Variants in ARID4B observed in about 807,000 individuals in gnomAD.
ARID4B encodes the protein AT-rich interactive domain-containing protein 4B.
In ARID4B, 26 loss-of-function variants were observed where a neutral mutation model predicts 147.5. The ratio of observed to expected loss-of-function variants is 0.18; its 90% CI spans 0.13 to 0.24. The LOEUF is 0.24. Among genes scored for constraint, ARID4B ranks in the 10% least tolerant of loss-of-function variants. The probability of loss-of-function intolerance (pLI) is 1.00; values close to 1 mark genes in which losing one functional copy is unlikely to be tolerated. For missense variants in ARID4B, 1,179 were observed against 1,511.5 expected (o/e 0.78, Z 3.65); for synonymous variants, 512 against 507.9 (o/e 1.01, Z -0.11).
intron 2 of ARID4B, among the ~76,000 whole-genome samples, chr1:235,301,921 G>A (rs928223902): frequency 2.0e-5 from 3 of 151,450 alleles, no homozygotes; most frequent in Non-Finnish European, 4.4e-5. Flanking sequence ...CAAAACTCCT[G>A]ACCTCAGGTG....
chr1:235,206,694 A>G (rs1666327627), intron 17 of ARID4B, among the ~76,000 whole-genome samples: 1 of 152,170 alleles, frequency 6.6e-6, no homozygotes, highest in Non-Finnish European at 1.5e-5. Context: ...AGCCACTGAT[A>G]AGGTACGTAA....
chr1:235,236,850 A>ATATATATATATATGTATGTGTG (rs1668622420), intron 8 of ARID4B, among the ~76,000 whole-genome samples: 1 of 37,526 alleles, frequency 2.7e-5, no homozygotes. Flanking sequence ...ATATATATAT[A>ATATATATATATATGTATGTGTG]TATATATATA....
chr1:235,249,715 G>C (rs1377184101), intron 6 of ARID4B, among the ~76,000 whole-genome samples: 5 of 151,746 alleles, frequency 3.3e-5, no homozygotes, highest in Admixed American at 1.3e-4. Flanking sequence ...GCTGAGGCGG[G>C]CGTATCACGA....
chr1:235,209,548 AT>A (rs529393984), intron 17 of ARID4B, among the ~76,000 whole-genome samples: 19,871 of 150,068 alleles, frequency 0.13, 1,533 homozygotes, highest in African/African-American at 0.2. Flanking sequence ...AAGAAAATTG[AT>A]TTTTTTGTTT....
chr1:235,211,510 A>T (rs1666719638), intron 17 of ARID4B, among the ~76,000 whole-genome samples: 1 of 152,224 alleles, frequency 6.6e-6, no homozygotes. Context: ...AAAACTAAAA[A>T]GAGAGGCAAA....
chr1:235,307,448 A>C (rs1673655509), intron 2 of ARID4B, among the ~76,000 whole-genome samples: 1 of 152,214 alleles, frequency 6.6e-6, no homozygotes, highest in Non-Finnish European at 1.5e-5. Context: ...CTGTCTCTTT[A>C]CAAAAAAAGA....
chr1:235,305,135 T>C (rs570910576), intron 2 of ARID4B, among the ~76,000 whole-genome samples: 4 of 152,288 alleles, frequency 2.6e-5, no homozygotes, highest in African/African-American at 7.2e-5. Flanking sequence ...AGGATACTTA[T>C]AAGTGAAAGA....
chr1:235,260,786 C>A (rs747117272), intron 2 of ARID4B, 34 bp from the exon 3 acceptor site: 1 of 1,414,028 alleles, frequency 7.1e-7, no homozygotes, highest in African/African-American at 1.4e-5. Flanking sequence ...TAGATTTAAA[C>A]TCTCTAATTC....
intron 9 of ARID4B, among the ~76,000 whole-genome samples, chr1:235,233,095 C>T (rs1370863088): frequency 1.3e-5 from 2 of 152,148 alleles, no homozygotes; most frequent in East Asian, 3.9e-4. Flanking sequence ...CCTAGGCCTC[C>T]CAAAGTGCTG....
At chr1:235,323,188 C>G (rs556857425) in intron 2 of ARID4B, among the ~76,000 whole-genome samples, 3 of 151,996 alleles carry the variant, frequency 2.0e-5, no homozygotes, top group Non-Finnish European at 4.4e-5. Context: ...CAGGCATGCG[C>G]CACCATGCCC....
At chr1:235,259,762 G>A (rs189882567) in intron 3 of ARID4B, among the ~76,000 whole-genome samples, 42 of 152,296 alleles carry the variant, frequency 2.8e-4, no homozygotes, top group Admixed American at 2.0e-3. Flanking sequence ...ACACATCCAT[G>A]CATAAGGAAT....
At chr1:235,239,068 C>T (rs555840316) in intron 8 of ARID4B, among the ~76,000 whole-genome samples, 97 of 151,784 alleles carry the variant, frequency 6.4e-4, no homozygotes, top group African/African-American at 2.2e-3. Context: ...CTGCAACCTC[C>T]GCCTCCTGGG....
rs955008613 is a variant in ARID4B, at chr1:235,257,145, G to T, written c.183+15C>A. The T allele has an allele frequency of 1.3e-6, 2 of 1,573,770 alleles. No homozygotes were observed. Among genetic ancestry groups the T allele is most frequent in the East Asian group, 4.5e-5 (2 of 44,636 alleles). On this transcript the variant is annotated intron_variant, in intron 4 of 23. Coordinates refer to ENST00000264183, the MANE Select transcript of ARID4B (RefSeq NM_016374.6). The stretch of plus-strand genomic sequence containing the variant: ...CCAAACAACCATTAGAATTAACAAT[G>T]AATACATGAATTACCTTTAGTGGGC...
At chr1:235,309,989 T>C (rs1446942271) in intron 2 of ARID4B, among the ~76,000 whole-genome samples, 2 of 151,900 alleles carry the variant, frequency 1.3e-5, no homozygotes, top group Non-Finnish European at 2.9e-5. Context: ...GCATGCTCCT[T>C]AAGAGTCATC....
chr1:235,169,236 T>G (rs1244632448), intron 23 of ARID4B, among the ~76,000 whole-genome samples: 2 of 152,056 alleles, frequency 1.3e-5, no homozygotes, highest in Admixed American at 6.6e-5. Context: ...TTTCGTTTTT[T>G]TTTGTTTGTT....
chr1:235,200,707 G>C (rs1186466939), intron 17 of ARID4B, among the ~76,000 whole-genome samples: 1 of 151,998 alleles, frequency 6.6e-6, no homozygotes, highest in African/African-American at 2.4e-5. Flanking sequence ...TATAAATTTA[G>C]ACTTTTAAAA....
intron 13 of ARID4B, among the ~76,000 whole-genome samples, chr1:235,221,886 ATTTTTTTTTTTTTTTTTTTT>A (rs768600040): frequency 9.3e-5 from 5 of 53,660 alleles, no homozygotes; most frequent in Non-Finnish European, 6.4e-5. Flanking sequence ...TCATTTGACT[ATTTTTTTTTTTTTTTTTTTT>A]TTTTTTTTTT....
chr1:235,258,477 G>C (rs1402792868), intron 3 of ARID4B, among the ~76,000 whole-genome samples: 1 of 152,170 alleles, frequency 6.6e-6, no homozygotes, highest in Non-Finnish European at 1.5e-5. Context: ...AGAAATCAGA[G>C]AATGGGAAAC....
intron 17 of ARID4B, among the ~76,000 whole-genome samples, chr1:235,203,358 C>A (rs1376950242): frequency 6.6e-6 from 1 of 152,052 alleles, no homozygotes; most frequent in Non-Finnish European, 1.5e-5. Context: ...TCTTCTTAAA[C>A]CCAATTTTAA....
Sources: gnomAD v4.1 joint callset for allele counts (sites outside exome capture counted in the v4.1 genomes callset) on GRCh38, gnomAD v4.1.1 for gene constraint, MANE v1.5 for transcripts, NCBI Gene and HGNC (gene_info 2026-07-23, HGNC 2026-07-21) for gene names.